MYCBP2: variants seen among roughly 807,000 people sequenced by gnomAD.
MYCBP2 encodes the protein E3 ubiquitin-protein ligase MYCBP2.
MYCBP2 carries 120 observed loss-of-function variants against 525.3 expected under a neutral mutation model. That is an observed-to-expected ratio of 0.23 (90% CI 0.20 to 0.27). MYCBP2 has a LOEUF of 0.27. Among genes scored for constraint, MYCBP2 ranks in the 10% least tolerant of loss-of-function variants. The pLI is 1.00. For missense variants in MYCBP2, 4,149 were observed against 5,657.1 expected (o/e 0.73, Z 8.55); for synonymous variants, 1,894 against 1,955.8 (o/e 0.97, Z 0.83).
intron 27 of MYCBP2, among the ~76,000 whole-genome samples, chr13:77,193,923 C>T (rs2154260993): frequency 6.6e-6 from 1 of 152,140 alleles, no homozygotes; most frequent in Non-Finnish European, 1.5e-5. Context: ...CCATTTTTAT[C>T]TTCAATATTG....
Position 77,326,877 on chromosome 13 carries a change from G to A in MYCBP2, c.-102C>T. 8.9e-7 allele frequency: 1 copy of A among 1,127,938 alleles called. No homozygotes were observed. The highest frequency in any genetic ancestry group is 1.2e-6 in the Non-Finnish European group (1 of 865,074). The allele number at this position is 1,127,938 out of a possible 1,614,324, so 69.9% of individuals were successfully genotyped here. A position where few individuals can be genotyped will look rare whatever the true frequency, so the allele number is the denominator to read the frequency against. On this transcript the variant is annotated 5_prime_UTR_variant, in exon 1 of 83. Coordinates refer to ENST00000544440, the MANE Select transcript of MYCBP2 (RefSeq NM_015057.5). The surrounding 1 kb of genome is among the most constrained non-coding windows in gnomAD (Gnocchi z 4.2). ...TTTTCCAACGACGACGGCTCCGGCG[G>A]CGGCCTCTGGCTCCCGCAGCAGGGA... is the stretch of plus-strand genomic sequence containing the variant.
intron 1 of MYCBP2, among the ~76,000 whole-genome samples, chr13:77,306,490 G>A (rs79265272): frequency 2.0e-5 from 3 of 152,188 alleles, no homozygotes; most frequent in African/African-American, 7.2e-5. Context: ...CACATGGGGG[G>A]AGGACTATAA....
chr13:77,052,584 G>A (rs1827560905), intron 80 of MYCBP2, among the ~76,000 whole-genome samples: 1 of 152,156 alleles, frequency 6.6e-6, no homozygotes, highest in Admixed American at 6.5e-5. Context: ...AATATTCCAA[G>A]TAAATATCAA....
At chr13:77,153,075 A>C (rs951260309) in intron 46 of MYCBP2, among the ~76,000 whole-genome samples, 39 of 151,684 alleles carry the variant, frequency 2.6e-4, no homozygotes, top group Admixed American at 1.9e-3. Flanking sequence ...AAAAAAAAAA[A>C]AAAAAAAAAA....
In MYCBP2 at chr13:77,081,815, G is replaced by A. The variant is rs749035710; in HGVS notation, c.11193+22C>T. On this transcript the variant is annotated intron_variant, in intron 64 of 82. Transcript: ENST00000544440. The surrounding 1 kb of genome is among the most constrained non-coding windows in gnomAD (Gnocchi z 4.6). The stretch of plus-strand genomic sequence containing the variant: ...TATTATTAACTAACAGGACAACCAG[G>A]ATAATAACTGAAATGACTGACCTGA... 2.5e-6 allele frequency: 4 copies of A among 1,603,394 alleles called. No homozygotes were observed. In the African/African-American group the frequency reaches 5.4e-5, roughly 21 times the overall value.
At chr13:77,187,290 C>T (rs1595244894) in intron 30 of MYCBP2, among the ~76,000 whole-genome samples, 1 of 152,144 alleles carries the variant, frequency 6.6e-6, no homozygotes, top group Non-Finnish European at 1.5e-5. Context: ...AGATACCAAA[C>T]TCAACTTAAG....
chr13:77,112,336 T>C (rs2048965027), intron 55 of MYCBP2, among the ~76,000 whole-genome samples: 1 of 146,786 alleles, frequency 6.8e-6, no homozygotes, highest in East Asian at 2.0e-4. Flanking sequence ...TTTATTTATA[T>C]AATATATATT....
In MYCBP2 at chr13:77,162,306, T is replaced by C. The variant is rs7985922; in HGVS notation, c.6548-351A>G. ...ATTTCAGATCTGGGCCTTTATATTT[T>C]GGTTGCCTTACAGAAGAGCTATGAC... On this transcript the variant is annotated intron_variant, in intron 43 of 82. Transcript: ENST00000544440. Among the ~76,000 whole-genome samples the C allele has an allele frequency of 9.0e-3, 1,371 of 152,344 alleles. 26 individuals are homozygous for C. The highest frequency in any genetic ancestry group is 0.032 in the African/African-American group (1,311 of 41,586).
At chr13:77,047,359 A>T (rs538715370) in intron 82 of MYCBP2, among the ~76,000 whole-genome samples, 2 of 152,264 alleles carry the variant, frequency 1.3e-5, no homozygotes, top group East Asian at 3.9e-4. Flanking sequence ...TACCTAACTC[A>T]TGGGGTGCTG....
At chr13:77,240,985 A>G (rs912011808) in intron 17 of MYCBP2, among the ~76,000 whole-genome samples, 1 of 152,230 alleles carries the variant, frequency 6.6e-6, no homozygotes, top group Non-Finnish European at 1.5e-5. Context: ...CTGATGTTCT[A>G]TATATTTAGG....
At chr13:77,068,437 A>G in intron 70 of MYCBP2, 128 bp downstream of exon 70, 1 of 1,175,696 alleles carries the variant, frequency 8.5e-7, no homozygotes, top group Non-Finnish European at 1.2e-6. Context: ...CAGGCCCCAA[A>G]CAAAATATAA....
chr13:77,155,916 G>C (rs1452097902), intron 46 of MYCBP2, 142 bp downstream of exon 46: 2 of 762,358 alleles, frequency 2.6e-6, no homozygotes, highest in Non-Finnish European at 4.0e-6. Context: ...ATATAAACAA[G>C]TCATTTAAAC....
Position 77,081,509 on chromosome 13 carries a change from G to A in MYCBP2, c.11336C>T (p.Thr3779Ile), listed in dbSNP as rs2043307261. 2 of 1,613,352 alleles carry A rather than the reference G, an allele frequency of 1.2e-6. No individual in the cohort carries two copies. Among genetic ancestry groups the A allele is most frequent in the African/African-American group, 2.7e-5 (2 of 74,884 alleles). ...WESGDEDKNK[T>I]KNITINCVKG... ...TACACAGTTGATGGTGATGTTCTTAGTTTTGTTTTTATCTTCATCTCCTGA... is the reference window on the plus strand; with the variant it reads ...TACACAGTTGATGGTGATGTTCTTAATTTTGTTTTTATCTTCATCTCCTGA... The change falls in exon 65 of 83, where the codon ACT becomes ATT. Residue 3779 changes from threonine (T) to isoleucine (I), a missense_variant. By Grantham distance (89) the Thr-to-Ile change is moderately conservative. Transcript: ENST00000544440. This position sits in a 1 kb window ranked among gnomAD's most constrained non-coding sequence, Gnocchi z 4.6.
intron 21 of MYCBP2, among the ~76,000 whole-genome samples, chr13:77,216,526 G>A (rs2064847402): frequency 1.3e-5 from 2 of 152,182 alleles, no homozygotes; most frequent in South Asian, 4.1e-4. Flanking sequence ...CATAATCAAT[G>A]AAGAGCAGAT....
intron 32 of MYCBP2, among the ~76,000 whole-genome samples, chr13:77,183,355 T>C (rs2060395961): frequency 6.6e-6 from 1 of 152,116 alleles, no homozygotes; most frequent in Non-Finnish European, 1.5e-5. Flanking sequence ...TGACAATATT[T>C]GGACTTGAAA....
At chr13:77,149,357 T>C (rs192428489) in intron 47 of MYCBP2, among the ~76,000 whole-genome samples, 35 of 152,178 alleles carry the variant, frequency 2.3e-4, no homozygotes, top group Admixed American at 1.9e-3. Flanking sequence ...CCAAACCCAC[T>C]GAATCTAAAT....
At chr13:77,321,697 C>T (rs1030744990) in intron 1 of MYCBP2, among the ~76,000 whole-genome samples, 1 of 152,208 alleles carries the variant, frequency 6.6e-6, no homozygotes, top group Non-Finnish European at 1.5e-5. Flanking sequence ...TTTAAGCCAG[C>T]CTAGAATGCC....
intron 82 of MYCBP2, among the ~76,000 whole-genome samples, chr13:77,050,383 C>T (rs2036537944): frequency 6.6e-6 from 1 of 152,002 alleles, no homozygotes; most frequent in African/African-American, 2.4e-5. Context: ...TTGCACGGAC[C>T]TCTCCTTCCA....
Position 77,180,116 on chromosome 13 carries a change from T to G in MYCBP2, c.5133+11A>C. The G allele has an allele frequency of 6.3e-7, 1 of 1,594,866 alleles. No homozygotes were observed. Among genetic ancestry groups the G allele is most frequent in the South Asian group, 1.1e-5 (1 of 88,310 alleles). ...GTGCTTTTTATCCAGTGTCAAAATATAATGTATTACCTCAGATCCCAGGGC... is the reference window on the plus strand; with the variant it reads ...GTGCTTTTTATCCAGTGTCAAAATAGAATGTATTACCTCAGATCCCAGGGC... On this transcript the variant is annotated intron_variant, in intron 34 of 82. Transcript: ENST00000544440.
Sources: allele counts gnomAD v4.1 joint callset (sites outside exome capture counted in the v4.1 genomes callset), GRCh38; gene constraint gnomAD v4.1.1; non-coding constraint Gnocchi (gnomAD v3.1); transcripts MANE v1.5; gene names NCBI Gene and HGNC (gene_info 2026-07-23, HGNC 2026-07-21).